The following CACNA2D3 variants were observed in gnomAD, a reference collection of about 807,000 sequenced individuals.
CACNA2D3 encodes the protein calcium voltage-gated channel auxiliary subunit alpha2delta 3, also known as voltage-dependent calcium channel subunit alpha-2/delta-3.
CACNA2D3 carries 60 observed loss-of-function variants against 160.6 expected under a neutral mutation model. The ratio of observed to expected loss-of-function variants is 0.37; its 90% CI spans 0.30 to 0.46. The LOEUF (loss-of-function observed/expected upper bound fraction) is 0.46. CACNA2D3 is among the 20% of genes least tolerant of loss of function. The pLI, the probability that CACNA2D3 is intolerant of heterozygous loss-of-function variation, is 1.00. For synonymous variants in CACNA2D3, 558 were observed against 492.9 expected (o/e 1.13, Z -1.75); for missense variants, 1,205 against 1,365.0 (o/e 0.88, Z 1.85).
rs566738422 is a variant in CACNA2D3, at chr3:54,913,565, T to C, written c.2449+13697T>C. Reference sequence around the variant, plus strand: ...GTAGAGCCATAGATTATGAAAGGGTTCTTATTTCCCCATTTTGCCTTGGCT... The same window carrying C: ...GTAGAGCCATAGATTATGAAAGGGTCCTTATTTCCCCATTTTGCCTTGGCT... On this transcript the variant is annotated intron_variant, in intron 27 of 37. Transcript: ENST00000474759. Among the ~76,000 whole-genome samples the C allele has an allele frequency of 3.3e-5, 5 of 152,322 alleles. No individual in the cohort carries two copies. In the East Asian group the frequency reaches 9.6e-4, roughly 29 times the overall value.
At chr3:54,657,628 T>C (rs1052040781) in intron 11 of CACNA2D3, among the ~76,000 whole-genome samples, 20 of 152,202 alleles carry the variant, frequency 1.3e-4, no homozygotes, top group African/African-American at 4.8e-4. Flanking sequence ...TTCATCACAG[T>C]ATTTGTCCTG....
chr3:54,334,773 G>A (rs571554203), intron 3 of CACNA2D3, among the ~76,000 whole-genome samples: 10 of 152,278 alleles, frequency 6.6e-5, no homozygotes, highest in Admixed American at 2.6e-4. Flanking sequence ...GTTACATGGC[G>A]AACACTTTGT....
At position 54,859,734 on chromosome 3, in the gene CACNA2D3, G is replaced by A. The variant is rs1226143542; in HGVS notation, c.1627-11805G>A. ...CGGACCTACCAGCTCCAACCTGGTA[G>A]CCTCTGGGTTCAGGTCTTAAATTCC... On this transcript the variant is annotated intron_variant, in intron 17 of 37. Transcript: ENST00000474759. 2.0e-5 allele frequency among the ~76,000 whole-genome samples: 3 copies of A among 152,064 alleles called. No homozygotes were observed. The South Asian group carries it at 6.2e-4, about 32-fold the overall frequency.
At chr3:54,968,294 C>G (rs1314834165) in intron 27 of CACNA2D3, among the ~76,000 whole-genome samples, 156 bp from the exon 28 acceptor site, 1 of 152,084 alleles carries the variant, frequency 6.6e-6, no homozygotes, top group Non-Finnish European at 1.5e-5. Context: ...AATTCTTTAC[C>G]TGAAAGATAA....
chr3:54,239,019 TA>T (rs1701931748), intron 2 of CACNA2D3, among the ~76,000 whole-genome samples: 1 of 152,244 alleles, frequency 6.6e-6, no homozygotes, highest in African/African-American at 2.4e-5. Context: ...GCGATGTCCA[TA>T]AATGTATCAG....
At chr3:54,420,128 AG>A (rs767135879) in intron 4 of CACNA2D3, among the ~76,000 whole-genome samples, 2 of 151,786 alleles carry the variant, frequency 1.3e-5, no homozygotes, top group African/African-American at 2.4e-5. Context: ...TCTGTCGCCC[AG>A]GCTGGAGTTG....
At chr3:54,914,162 T>G (rs1700613289) in intron 27 of CACNA2D3, among the ~76,000 whole-genome samples, 1 of 152,160 alleles carries the variant, frequency 6.6e-6, no homozygotes, top group African/African-American at 2.4e-5. Context: ...TTGCTTTCCT[T>G]TCCATGCTTC....
At chr3:54,924,373 A>G (rs1700947981) in intron 27 of CACNA2D3, among the ~76,000 whole-genome samples, 1 of 152,234 alleles carries the variant, frequency 6.6e-6, no homozygotes. Flanking sequence ...ACTTCTTGTT[A>G]TATTAATTAA....
chr3:54,634,328 CCTT>C (rs1359559350), intron 10 of CACNA2D3: 4 of 152,184 alleles, frequency 2.6e-5, no homozygotes, highest in Non-Finnish European at 5.9e-5. Context: ...TCAAATGTCA[CCTT>C]CTCAGTGAGG....
At chr3:54,285,126 C>T (rs571093573) in intron 2 of CACNA2D3, among the ~76,000 whole-genome samples, 5 of 152,260 alleles carry the variant, frequency 3.3e-5, no homozygotes, top group African/African-American at 9.6e-5. Flanking sequence ...CGAAGCAGGA[C>T]GAGGCATTGT....
At chr3:54,171,390 G>A (rs1451091141) in intron 2 of CACNA2D3, among the ~76,000 whole-genome samples, 1 of 151,904 alleles carries the variant, frequency 6.6e-6, no homozygotes, top group Non-Finnish European at 1.5e-5. Flanking sequence ...GCAGTGGCAC[G>A]ATTCACTCTG....
At chr3:54,796,430 G>A (rs931288040) in intron 13 of CACNA2D3, among the ~76,000 whole-genome samples, 4 of 152,162 alleles carry the variant, frequency 2.6e-5, no homozygotes, top group Admixed American at 2.0e-4. Context: ...TCTTGACTTT[G>A]AGAAGTGCTT....
chr3:54,593,659 C>T (rs1702901587), intron 9 of CACNA2D3, among the ~76,000 whole-genome samples: 1 of 152,126 alleles, frequency 6.6e-6, no homozygotes, highest in African/African-American at 2.4e-5. Flanking sequence ...CAGTTGTTTT[C>T]CTGTGATTGT....
intron 5 of CACNA2D3, among the ~76,000 whole-genome samples, chr3:54,511,699 A>G (rs756209799): frequency 6.6e-6 from 1 of 152,222 alleles, no homozygotes; most frequent in East Asian, 1.9e-4. Flanking sequence ...TACCAGGAGC[A>G]GTAAAGGACA....
chr3:54,440,931 G>A (rs941729415), intron 4 of CACNA2D3, among the ~76,000 whole-genome samples: 11 of 152,242 alleles, frequency 7.2e-5, no homozygotes, highest in African/African-American at 2.2e-4. Context: ...ATCGTGAATA[G>A]TGCCACCGTA....
chr3:54,887,839 A>G, intron 23 of CACNA2D3, 120 bp from the exon 24 acceptor site: 2 of 745,332 alleles, frequency 2.7e-6, no homozygotes, highest in Non-Finnish European at 4.7e-6. Context: ...AACTTAACTC[A>G]TAAAGCAACA....
rs556159559 is a variant in CACNA2D3 at position 54,587,450 on chromosome 3, G to A, written c.963+5573G>A. 4.7e-4 allele frequency among the ~76,000 whole-genome samples: 72 copies of A among 152,118 alleles called. 1 individual carries two copies. Among genetic ancestry groups the A allele is most frequent in the Admixed American group, 9.8e-4 (15 of 15,264 alleles). On this transcript the variant is annotated intron_variant, in intron 9 of 37. Transcript: ENST00000474759. ...CATGTGCCTATAGTCCCAGCTACTC[G>A]GTAGGTTGAGGCAGGAGAATCACTT... is the stretch of plus-strand genomic sequence containing the variant.
At chr3:54,658,432 G>C (rs1699911623) in intron 11 of CACNA2D3, among the ~76,000 whole-genome samples, 1 of 152,188 alleles carries the variant, frequency 6.6e-6, no homozygotes, top group East Asian at 1.9e-4. Flanking sequence ...GATGAACAAT[G>C]TTGAGCAGCT....
At chr3:54,753,332 T>C (rs1701903662) in intron 12 of CACNA2D3, among the ~76,000 whole-genome samples, 1 of 152,228 alleles carries the variant, frequency 6.6e-6, no homozygotes, top group African/African-American at 2.4e-5. Flanking sequence ...GCTTCAAGAC[T>C]GGTTCTGGCC....
Sources: gnomAD v4.1 joint callset for allele counts (sites outside exome capture counted in the v4.1 genomes callset) on GRCh38, gnomAD v4.1.1 for gene constraint, MANE v1.5 for transcripts, NCBI Gene and HGNC (gene_info 2026-07-23, HGNC 2026-07-21) for gene names.